SHROOM3: variants seen among roughly 807,000 people sequenced by gnomAD.
The protein encoded by SHROOM3 is shroom family member 3, also known as protein Shroom3.
A neutral mutation model predicts 138.6 loss-of-function variants in SHROOM3; 47 were observed. That is an observed-to-expected ratio of 0.34 (90% CI 0.27 to 0.43). SHROOM3 has a LOEUF of 0.43. Ranked by LOEUF, SHROOM3 falls within the 20% of genes least tolerant of loss-of-function variation. The pLI is 1.00. For synonymous variants in SHROOM3, 1,062 were observed against 1,063.3 expected, an observed-to-expected ratio of 1.00 and a Z score of 0.02; for missense variants, 2,491 against 2,596.5, an observed-to-expected ratio of 0.96 and a Z score of 0.88.
intron 2 of SHROOM3, among the ~76,000 whole-genome samples, chr4:76,695,319 A>G (rs1719694230): frequency 1.3e-5 from 2 of 152,206 alleles, no homozygotes; most frequent in South Asian, 2.1e-4. Context: ...TGAACAAAAA[A>G]TTGGAGAATC....
chr4:76,639,060 C>T (rs908328335), intron 2 of SHROOM3, among the ~76,000 whole-genome samples: 3 of 152,124 alleles, frequency 2.0e-5, no homozygotes, highest in Non-Finnish European at 4.4e-5. Flanking sequence ...GAGAGAGAAT[C>T]GCTATCCCCC....
chr4:76,477,458 C>T lies in SHROOM3; in HGVS notation c.168+41238C>T, dbSNP rs530230770. 1.5e-3 allele frequency among the ~76,000 whole-genome samples: 233 copies of T among 152,166 alleles called. 2 individuals carry two copies. Among genetic ancestry groups the T allele is most frequent in the Non-Finnish European group, 2.4e-3 (162 of 68,014 alleles). ...CTCTTTCTGTTTTTGCCTGAATTGC[C>T]CAGATGCTCAAAGCCATTCATAATG... On this transcript the variant is annotated intron_variant, in intron 1 of 10. Coordinates refer to ENST00000296043, the MANE Select transcript of SHROOM3 (RefSeq NM_020859.4).
Position 76,569,699 on chromosome 4 carries a change from G to GTTT in SHROOM3, c.323+13946_323+13948dup, listed in dbSNP as rs111300353. The stretch of plus-strand genomic sequence containing the variant: ...GTTTTCCAGTTTTCTTCCTATGACA[G>GTTT]TTTTTTTTTTTTCCCCTCAAAGTGT... On this transcript the variant is annotated intron_variant, in intron 2 of 10. Coordinates refer to ENST00000296043, the MANE Select transcript of SHROOM3 (RefSeq NM_020859.4). Among the ~76,000 whole-genome samples, 877 of 147,532 alleles carry GTTT rather than the reference G, an allele frequency of 5.9e-3. 2 individuals are homozygous for GTTT. The highest frequency in any genetic ancestry group is 8.3e-3 in the African/African-American group (333 of 40,350).
At chr4:76,590,596 T>C (rs541112997) in intron 2 of SHROOM3, among the ~76,000 whole-genome samples, 3 of 151,758 alleles carry the variant, frequency 2.0e-5, no homozygotes, top group Non-Finnish European at 4.4e-5. Context: ...AGCATTCAGA[T>C]TTTTTCTACA....
In SHROOM3 at chr4:76,633,772, T is replaced by C. The variant is rs115695313; in HGVS notation, c.324-76384T>C. On this transcript the variant is annotated intron_variant, in intron 2 of 10. Transcript: ENST00000296043. Reference sequence around the variant, plus strand: ...ATTTTCTCTCTCCTTCTCACCCAAATACCCAATAGTATGTTTAAATAATAG... The same window carrying C: ...ATTTTCTCTCTCCTTCTCACCCAAACACCCAATAGTATGTTTAAATAATAG... Among the ~76,000 whole-genome samples the C allele has an allele frequency of 1.3e-3, 194 of 151,780 alleles. 3 individuals carry two copies. The highest frequency in any genetic ancestry group is 4.5e-3 in the African/African-American group (186 of 41,420).
Position 76,555,635 on chromosome 4 carries a change from C to A in SHROOM3, c.195C>A (p.Thr65=), listed in dbSNP as rs544811206. The A allele has an allele frequency of 1.9e-6, 3 of 1,613,850 alleles. No homozygotes were observed. The highest frequency in any genetic ancestry group is 2.5e-6 in the Non-Finnish European group (3 of 1,180,012). ...TCGAAGAAGGGGGCAAAGCAGACAC[C>A]CTGAGCTCCAAACTGCAGGCTGGGG... ...SKVEEGGKAD[T]LSSKLQAGDE... Residue 65 remains threonine (T), a synonymous_variant, in exon 2 of 11, where the codon ACC becomes ACA. Coordinates refer to ENST00000296043, the MANE Select transcript of SHROOM3 (RefSeq NM_020859.4).
chr4:76,775,533 T>C (rs369411426), intron 10 of SHROOM3, among the ~76,000 whole-genome samples: 3 of 151,960 alleles, frequency 2.0e-5, no homozygotes, highest in East Asian at 1.9e-4. Context: ...GATCCAGCAG[T>C]CCCACTACTG....
intron 1 of SHROOM3, among the ~76,000 whole-genome samples, chr4:76,519,384 A>T (rs1445624453): frequency 6.6e-6 from 1 of 152,226 alleles, no homozygotes; most frequent in East Asian, 1.9e-4. Context: ...ACTTCAATCA[A>T]TTCTGTAAAT....
At chr4:76,638,686 C>A (rs1735572905) in intron 2 of SHROOM3, among the ~76,000 whole-genome samples, 1 of 152,158 alleles carries the variant, frequency 6.6e-6, no homozygotes, top group African/African-American at 2.4e-5. Context: ...AAGACCATTC[C>A]TTTTTATTTT....
chr4:76,543,721 G>T (rs905845570), intron 1 of SHROOM3, among the ~76,000 whole-genome samples: 1 of 152,056 alleles, frequency 6.6e-6, no homozygotes, highest in East Asian at 1.9e-4. Flanking sequence ...GAGATGACAC[G>T]TGTTTTTTCT....
At chr4:76,539,600 A>G (rs1733056084) in intron 1 of SHROOM3, among the ~76,000 whole-genome samples, 1 of 152,196 alleles carries the variant, frequency 6.6e-6, no homozygotes. Context: ...TACATCCATT[A>G]ACTAACTTAA....
chr4:76,553,574 C>T (rs1201403576), intron 1 of SHROOM3, among the ~76,000 whole-genome samples: 1 of 152,110 alleles, frequency 6.6e-6, no homozygotes, highest in African/African-American at 2.4e-5. Context: ...CCGCACGAGG[C>T]CCACCTCGTG....
chr4:76,625,099 G>T (rs1014540828), intron 2 of SHROOM3, among the ~76,000 whole-genome samples: 1 of 152,202 alleles, frequency 6.6e-6, no homozygotes, highest in Non-Finnish European at 1.5e-5. Context: ...CTTTTGGGCT[G>T]TAGTTCCCAT....
chr4:76,773,868 A>G (rs34451825), intron 10 of SHROOM3, among the ~76,000 whole-genome samples: 8,832 of 152,246 alleles, frequency 0.058, 292 homozygotes, highest in Non-Finnish European at 0.07. Flanking sequence ...CCAGCACAGA[A>G]AATCATCACA....
Position 76,555,776 on chromosome 4 carries a change from C to A in SHROOM3, c.323+13C>A, listed in dbSNP as rs752529812. 6.2e-7 allele frequency: 1 copy of A among 1,610,362 alleles called. No individual in the cohort carries two copies. The highest frequency in any genetic ancestry group is 8.5e-7 in the Non-Finnish European group (1 of 1,179,700). On this transcript the variant is annotated intron_variant, in intron 2 of 10. Transcript: ENST00000296043. Reference sequence around the variant, plus strand: ...TGGTAGTGCGCAGGTAGGTGGCAGACCCCCACCCTGTCCCTCCTACCACCT... The same window carrying A: ...TGGTAGTGCGCAGGTAGGTGGCAGAACCCCACCCTGTCCCTCCTACCACCT...
intron 1 of SHROOM3, among the ~76,000 whole-genome samples, chr4:76,525,612 C>A (rs1732673205): frequency 6.6e-6 from 1 of 152,174 alleles, no homozygotes; most frequent in Non-Finnish European, 1.5e-5. Flanking sequence ...ATGATGTAAC[C>A]TCTGCAGTTG....
intron 2 of SHROOM3, among the ~76,000 whole-genome samples, chr4:76,572,216 C>T (rs1184403299): frequency 2.0e-5 from 3 of 152,192 alleles, no homozygotes; most frequent in Non-Finnish European, 4.4e-5. Context: ...CTTGCACTAA[C>T]ATACAACGGG....
At chr4:76,497,106 A>G (rs1731984756) in intron 1 of SHROOM3, among the ~76,000 whole-genome samples, 2 of 152,234 alleles carry the variant, frequency 1.3e-5, no homozygotes, top group Admixed American at 1.3e-4. Flanking sequence ...GCATGTTCCT[A>G]TTTAGCTGTG....
chr4:76,741,513 G>A lies in SHROOM3; in HGVS notation c.3340G>A (p.Glu1114Lys), dbSNP rs763429985. The change falls in exon 5 of 11, where the codon GAG becomes AAG. Residue 1114 changes from glutamate to lysine, a missense_variant. This residue lies in a region of SHROOM3 where 1,733 missense variants were observed against 1,661.6 expected (regional missense o/e 1.04). Coordinates refer to ENST00000296043, the MANE Select transcript of SHROOM3 (RefSeq NM_020859.4). The surrounding 1 kb of genome is among the most constrained non-coding windows in gnomAD (Gnocchi z 6.2). ...CSLQEPGPLR[E>K]RAQSAYLQPG... ...CCTCCAGGAGCCCGGGCCACTGCGT[G>A]AGCGCGCCCAGAGTGCCTACCTCCA... The A allele has an allele frequency of 2.2e-5, 34 of 1,554,030 alleles. No individual in the cohort carries two copies. Among genetic ancestry groups the A allele is most frequent in the Non-Finnish European group, 2.8e-5 (32 of 1,155,624 alleles).
Sources: allele counts gnomAD v4.1 joint callset (sites outside exome capture counted in the v4.1 genomes callset), GRCh38; gene constraint gnomAD v4.1.1; regional missense constraint gnomAD v4.1.1; non-coding constraint Gnocchi (gnomAD v3.1); transcripts MANE v1.5; gene names NCBI Gene and HGNC (gene_info 2026-07-23, HGNC 2026-07-21).